STRC: variants seen among roughly 807,000 people sequenced by gnomAD.
STRC encodes stereocilin.
Under a neutral mutation model 103.5 loss-of-function variants are expected in STRC, and 43 were observed. The observed-to-expected ratio is 0.42, with a 90% CI of 0.33 to 0.54. The LOEUF is 0.54. Among genes scored for constraint, STRC ranks in the 20% least tolerant of loss-of-function variants. The pLI is 0.14. For synonymous variants in STRC, 186 were observed against 442.3 expected, an observed-to-expected ratio of 0.42 and a Z score of 7.27; for missense variants, 499 against 1,088.5, an observed-to-expected ratio of 0.46 and a Z score of 7.62.
At chr15:43,603,556 G>A in intron 22 of STRC, 145 bp from the exon 23 acceptor site, 3 of 907,564 alleles carry the variant, frequency 3.3e-6, no homozygotes, top group Non-Finnish European at 3.6e-6. Flanking sequence ...AGAGTAATAT[G>A]TATAGGGCTT....
intron 18 of STRC, among the ~76,000 whole-genome samples, chr15:43,606,999 C>CA (rs1366473498): frequency 0.051 from 3,131 of 61,610 alleles, 19 homozygotes; most frequent in African/African-American, 0.12. Context: ...AACTCTGTCT[C>CA]AAAAAAAAAA....
chr15:43,607,507 AC>A (rs1329472357), intron 18 of STRC, among the ~76,000 whole-genome samples: 5 of 149,412 alleles, frequency 3.3e-5, no homozygotes, highest in Non-Finnish European at 7.4e-5. Flanking sequence ...CTCTGAATGC[AC>A]TAAGAACACA....
chr15:43,606,575 G>T (rs2085711761), intron 18 of STRC, among the ~76,000 whole-genome samples: 1 of 146,260 alleles, frequency 6.8e-6, no homozygotes, highest in Non-Finnish European at 1.5e-5. Context: ...ACTCCAGCCT[G>T]GGTGACAGAG....
At chr15:43,609,233 A>G in intron 16 of STRC, 43 bp downstream of exon 16, 1 of 1,596,914 alleles carries the variant, frequency 6.3e-7, no homozygotes, top group East Asian at 2.3e-5. Context: ...ACTCAAAAAA[A>G]TGTTGGTCGA....
intron 15 of STRC, chr15:43,609,549 A>T (rs546045873): frequency 1.7e-6 from 1 of 581,208 alleles, no homozygotes; most frequent in Non-Finnish European, 3.1e-6. Flanking sequence ...AGCAAGTCAC[A>T]TTATAAGAGA....
At chr15:43,602,701 T>G (rs1341873373) in intron 23 of STRC, 1 of 153,716 alleles carries the variant, frequency 6.5e-6, no homozygotes. Flanking sequence ...ATGGAGTGCA[T>G]TGGCTTGACT....
chr15:43,601,313 A>C, intron 24 of STRC, 83 bp downstream of exon 24: 1 of 1,598,336 alleles, frequency 6.3e-7, no homozygotes, highest in Non-Finnish European at 8.6e-7. Context: ...CAGGAAAAAA[A>C]TTCCTTGGGC....
intron 23 of STRC, among the ~76,000 whole-genome samples, chr15:43,602,135 A>AG (rs2085674880): frequency 6.6e-6 from 1 of 150,564 alleles, no homozygotes; most frequent in African/African-American, 2.4e-5. Context: ...AAAAAAAAAA[A>AG]AAAAAAAAAA....
intron 23 of STRC, 106 bp from the exon 24 acceptor site, chr15:43,601,657 A>C: frequency 8.3e-7 from 1 of 1,210,768 alleles, no homozygotes; most frequent in South Asian, 1.3e-5. Flanking sequence ...CTCTAGGTAA[A>C]TCATTTGCCT....
At position 43,601,535 on chromosome 15, in the gene STRC, C is replaced by A; in HGVS notation, c.4562G>T (p.Arg1521Leu). 1 of 1,613,584 alleles carries A rather than the reference C, an allele frequency of 6.2e-7. No individual in the cohort carries two copies. Among genetic ancestry groups the A allele is most frequent in the South Asian group, 1.1e-5 (1 of 91,058 alleles). The change falls in exon 24 of 29, where the codon CGG becomes CTG. Residue 1521 changes from arginine (R) to leucine (L), a missense_variant. Physicochemically the swap from Arg to Leu is moderately radical, Grantham distance 102. Coordinates refer to ENST00000450892, the MANE Select transcript of STRC (RefSeq NM_153700.2). ...GKAKQLWGPP[R>L]GFRPEQILQL... ...CAGGATCTGCTCAGGACGAAATCCC[C>A]GGGGGGGACCCCACAACTAGGAGAA...
At chr15:43,601,174 G>A (rs1328002963) in intron 24 of STRC, among the ~76,000 whole-genome samples, 160 bp from the exon 25 acceptor site, 1 of 151,562 alleles carries the variant, frequency 6.6e-6, no homozygotes, top group Non-Finnish European at 1.5e-5. Flanking sequence ...AGAAAAAGAG[G>A]AAGCCTCCAG....
In STRC at chr15:43,605,278, C is replaced by T; in HGVS notation, c.3916G>A (p.Ala1306Thr). ...PLHQAALAER[A>T]LQNLAPKETP... The stretch of plus-strand genomic sequence containing the variant: ...TGGACTCTTACCAGGTTTTGTAGTG[C>T]CCTCTCTGCCAGGGCTGCCTGGTGG... Residue 1306 changes from alanine (A) to threonine (T), a missense_variant, in exon 19 of 29, where the codon GCA becomes ACA. Physicochemically the swap from Ala to Thr is moderately conservative, Grantham distance 58 (BLOSUM62 0). Transcript: ENST00000450892. 2 of 1,587,892 alleles carry T rather than the reference C, an allele frequency of 1.3e-6. No homozygotes were observed. Among genetic ancestry groups the T allele is most frequent in the East Asian group, 2.3e-5 (1 of 44,196 alleles).
intron 23 of STRC, 53 bp downstream of exon 23, chr15:43,603,189 C>T (rs2085685557): frequency 1.3e-6 from 2 of 1,587,220 alleles, no homozygotes. Context: ...TGTCCTACAT[C>T]ACACCCAAAT....
chr15:43,603,166 T>G (rs1030273654), intron 23 of STRC, 76 bp downstream of exon 23: 82 of 1,515,318 alleles, frequency 5.4e-5, no homozygotes, highest in Non-Finnish European at 7.2e-5. Flanking sequence ...CATCCAACTC[T>G]CCATTCTCTT....
At chr15:43,603,876 C>G (rs962390825) in intron 22 of STRC, 120 bp downstream of exon 22, 5 of 1,548,456 alleles carry the variant, frequency 3.2e-6, no homozygotes, top group Admixed American at 3.9e-5. Flanking sequence ...GATCATCCCT[C>G]TAAACTCTTT....
intron 18 of STRC, among the ~76,000 whole-genome samples, chr15:43,606,619 CAAAT>C (rs1247420178): frequency 9.3e-5 from 12 of 129,202 alleles, no homozygotes; most frequent in Admixed American, 1.6e-4. Context: ...AATAAATAAA[CAAAT>C]AAATAAATAA....
In STRC at chr15:43,600,741, C is replaced by T. The variant is rs367587412; in HGVS notation, c.4845-59G>A. On this transcript the variant is annotated intron_variant, in intron 25 of 28. Transcript: ENST00000450892. Reference sequence around the variant, plus strand: ...CGGCTTCAGTGAAAGGGGCTGTGGTCATGAGACAAAGGAAGAGATGGCTTC... The same window carrying T: ...CGGCTTCAGTGAAAGGGGCTGTGGTTATGAGACAAAGGAAGAGATGGCTTC... 8.7e-4 allele frequency: 1,397 copies of T among 1,612,670 alleles called. 26 individuals are homozygous for T. In the South Asian group the frequency reaches 0.014, roughly 16 times the overall value.
chr15:43,605,534 T>G lies in STRC; in HGVS notation c.3795-135A>C, dbSNP rs985231095. 129 of 1,457,198 alleles carry G rather than the reference T, an allele frequency of 8.9e-5. No homozygotes were observed. In the African/African-American group the frequency reaches 1.7e-3, roughly 19 times the overall value. 90.3% of individuals were successfully genotyped at this position (1,457,198 alleles called of 1,614,324 possible). On this transcript the variant is annotated intron_variant, in intron 18 of 28. Transcript: ENST00000450892. Reference sequence around the variant, plus strand: ...AGTGAAGCTGGACAGGAACTGATAGTAAACAGCTCCAGGGCCAATTCCCAC... The same window carrying G: ...AGTGAAGCTGGACAGGAACTGATAGGAAACAGCTCCAGGGCCAATTCCCAC...
Position 43,600,866 on chromosome 15 carries a change from A to T in STRC, c.4844+6T>A, listed in dbSNP as rs779901353. 7 of 1,613,504 alleles carry T rather than the reference A, an allele frequency of 4.3e-6. No individual in the cohort carries two copies. In the East Asian group the frequency reaches 1.6e-4, roughly 36 times the overall value. ...CACCACCACCCTCAGCCCCTTCACA[A>T]ATGACCTGAACTCCCAACTGCTGAT... On this transcript the variant is annotated splice_donor_region_variant and intron_variant, in intron 25 of 28. Coordinates refer to ENST00000450892, the MANE Select transcript of STRC (RefSeq NM_153700.2).
Sources: allele counts gnomAD v4.1 joint callset (sites outside exome capture counted in the v4.1 genomes callset), GRCh38; gene constraint gnomAD v4.1.1; transcripts MANE v1.5; gene names NCBI Gene and HGNC (gene_info 2026-07-23, HGNC 2026-07-21).